FAM9B: variants seen among roughly 807,000 people sequenced by gnomAD.
The protein encoded by FAM9B is family with sequence similarity 9 member B.
FAM9B carries 18 observed loss-of-function variants against 16.6 expected under a neutral mutation model. That is an observed-to-expected ratio of 1.09 (90% CI 0.75 to 1.61). The LOEUF is 1.61. Ranked by LOEUF, FAM9B falls within the 40% of genes most tolerant of loss-of-function variation. The pLI is 0.00. For synonymous variants in FAM9B, 43 were observed against 42.6 expected (o/e 1.01, Z -0.03); for missense variants, 155 against 136.0 (o/e 1.14, Z -0.70).
intron 3 of FAM9B, 56 bp from the exon 4 acceptor site, chrX:9,032,217 T>G: frequency 8.4e-7 from 1 of 1,197,244 alleles, no homozygotes. Flanking sequence ...ATGCCATGTT[T>G]GTTGGGAAAA....
intron 7 of FAM9B, among the ~76,000 whole-genome samples, chrX:9,026,541 A>G (rs1197622743): frequency 9.0e-6 from 1 of 111,511 alleles, no homozygotes; most frequent in African/African-American, 3.3e-5. Context: ...TAATATTGCC[A>G]ATCAATGAAG....
chrX:9,029,473 T>C, intron 5 of FAM9B, 55 bp from the exon 6 acceptor site: 2 of 873,292 alleles, frequency 2.3e-6, no homozygotes, highest in South Asian at 4.9e-5. Flanking sequence ...GAAAAATTAA[T>C]CCTATTCAAA....
intron 7 of FAM9B, 98 bp from the exon 8 acceptor site, chrX:9,025,681 T>C: frequency 1.6e-6 from 1 of 607,619 alleles, no homozygotes; most frequent in Admixed American, 3.3e-5. Context: ...CTTTTAATAT[T>C]CAAAGGATGC....
At chrX:9,032,206 A>C (rs775654252) in intron 3 of FAM9B, 45 bp from the exon 4 acceptor site, 2 of 1,195,929 alleles carry the variant, frequency 1.7e-6, no homozygotes, top group African/African-American at 3.5e-5. Context: ...TACTACACAA[A>C]ATGCCATGTT....
Position 9,032,457 on chromosome X carries a change from C to T in FAM9B, c.33G>A (p.Lys11=). 8.3e-7 allele frequency: 1 copy of T among 1,207,212 alleles called. No individual in the cohort carries two copies. Among genetic ancestry groups the T allele is most frequent in the Non-Finnish European group, 1.1e-6 (1 of 894,237 alleles). ...CCTCACATTCATCACGGACTGGATC[C>T]TTTCCTGCATTAAAATGTAAAAGAC... MAAWGKKHAG[K]DPVRDECEER... The change falls in exon 3 of 9, where the codon AAG becomes AAA. Residue 11 remains lysine (K), a synonymous_variant. Transcript: ENST00000327220.
At chrX:9,025,953 A>G (rs1920963125) in intron 7 of FAM9B, among the ~76,000 whole-genome samples, 1 of 111,598 alleles carries the variant, frequency 9.0e-6, no homozygotes, top group Non-Finnish European at 1.9e-5. Context: ...AATAGCCTAC[A>G]TAACATGGTT....
rs780775539 is a variant in FAM9B at position 9,033,172 on chromosome X, C to A, written c.-89-97G>T. ...AGGTTCAAGAAGGGTGGGGCTGGCC[C>A]GCCCTGGGTCTCATGTGGGAGCAGG... is the stretch of plus-strand genomic sequence containing the variant. On this transcript the variant is annotated intron_variant, in intron 1 of 8. Coordinates refer to ENST00000327220, the MANE Select transcript of FAM9B (RefSeq NM_205849.3). 1.1e-5 allele frequency: 13 copies of A among 1,154,545 alleles called. No homozygotes were observed. The East Asian group carries it at 3.6e-4, about 32-fold the overall frequency.
rs769794559 is a variant in FAM9B at position 9,032,727 on chromosome X, G to A, written c.28+232C>T. 4.7e-5 allele frequency: 25 copies of A among 536,845 alleles called. No homozygotes were observed. In the East Asian group the frequency reaches 9.1e-4, roughly 20 times the overall value. 44.2% of individuals were successfully genotyped at this position (536,845 alleles called of 1,213,427 possible). ...GTCAGGACTGCACCCATGGAGAAGAGCTGCTCTGAGAGCATCTGTAACCCT... is the reference window on the plus strand; with the variant it reads ...GTCAGGACTGCACCCATGGAGAAGAACTGCTCTGAGAGCATCTGTAACCCT... On this transcript the variant is annotated intron_variant, in intron 2 of 8. Coordinates refer to ENST00000327220, the MANE Select transcript of FAM9B (RefSeq NM_205849.3).
At chrX:9,030,385 T>C (rs746358922) in intron 4 of FAM9B, 25 bp from the exon 5 acceptor site, 2 of 1,098,000 alleles carry the variant, frequency 1.8e-6, no homozygotes, top group South Asian at 2.1e-5. Context: ...AGATAGTAAA[T>C]GAAAATGGAT....
intron 1 of FAM9B, chrX:9,033,641 T>G: frequency 3.9e-6 from 2 of 509,950 alleles, no homozygotes; most frequent in Non-Finnish European, 4.6e-6. Context: ...TCCCGGGCCC[T>G]AGGGATCACC....
At chrX:9,026,037 A>G (rs1920963812) in intron 7 of FAM9B, among the ~76,000 whole-genome samples, 1 of 112,032 alleles carries the variant, frequency 8.9e-6, no homozygotes, top group South Asian at 3.7e-4. Flanking sequence ...TTTGAAATAT[A>G]TACTCTTTAC....
chrX:9,033,704 C>CCA, intron 1 of FAM9B, 148 bp downstream of exon 1: 3 of 647,631 alleles, frequency 4.6e-6, no homozygotes, highest in Non-Finnish European at 5.5e-6. Flanking sequence ...CACCCTAGCC[C>CCA]ACCCTCAGGG....
At chrX:9,026,706 G>C (rs989220056) in intron 7 of FAM9B, among the ~76,000 whole-genome samples, 1 of 110,701 alleles carries the variant, frequency 9.0e-6, no homozygotes, top group African/African-American at 3.3e-5. Context: ...TAACTACATG[G>C]GAAGGATAAT....
At chrX:9,029,972 T>C (rs1921020659) in intron 5 of FAM9B, 1 of 404,469 alleles carries the variant, frequency 2.5e-6, no homozygotes, top group South Asian at 5.8e-5. Context: ...TTATCTTATA[T>C]GCAGCTACCA....
At chrX:9,027,453 T>C (rs977950157) in intron 7 of FAM9B, among the ~76,000 whole-genome samples, 15 of 111,386 alleles carry the variant, frequency 1.3e-4, no homozygotes, top group Non-Finnish European at 2.4e-4. Context: ...TTAAAACCCA[T>C]TTATGCCTAG....
rs187832815 is a variant in FAM9B at position 9,025,067 on chromosome X, G to A, written c.*342C>T. 5.3e-5 allele frequency: 6 copies of A among 112,752 alleles called. No homozygotes were observed. The highest frequency in any genetic ancestry group is 1.9e-4 in the African/African-American group (6 of 30,947). 9.3% of individuals were successfully genotyped at this position (112,752 alleles called of 1,213,427 possible). A position where few individuals can be genotyped will look rare whatever the true frequency, so the allele number is the denominator to read the frequency against. ...TTGGAACTGATACAAATCCACAGAG[G>A]CCAAATCGAAATCTAAATTATCTTT... On this transcript the variant is annotated 3_prime_UTR_variant, in exon 9 of 9. Coordinates refer to ENST00000327220, the MANE Select transcript of FAM9B (RefSeq NM_205849.3).
At position 9,029,328 on chromosome X, in the gene FAM9B, CTCTTCT is replaced by C; in HGVS notation, c.366_371del (p.Glu123_Glu124del). 1 of 1,203,323 alleles carries C rather than the reference CTCTTCT, an allele frequency of 8.3e-7. No individual in the cohort carries two copies. The highest frequency in any genetic ancestry group is 1.1e-6 in the Non-Finnish European group (1 of 888,866). On this transcript the variant is annotated inframe_deletion, in exon 6 of 9. Coordinates refer to ENST00000327220, the MANE Select transcript of FAM9B (RefSeq NM_205849.3). ...CAACAATTAGTTCTTCCTCTTCTCC[CTCTTCT>C]TCTTCTTCCTCTTTCTGCTCGTCTG...
chrX:9,033,034 C>A lies in FAM9B; in HGVS notation c.-48G>T. 1 of 1,211,990 alleles carries A rather than the reference C, an allele frequency of 8.3e-7. No individual in the cohort carries two copies. The highest frequency in any genetic ancestry group is 1.1e-6 in the Non-Finnish European group (1 of 895,517). On this transcript the variant is annotated 5_prime_UTR_variant, in exon 2 of 9. Coordinates refer to ENST00000327220, the MANE Select transcript of FAM9B (RefSeq NM_205849.3). ...TTGGCAGCCCTCCTGCCCACAGGAT[C>A]CGTGGCTGGTTGTCCTGGGAAGCTA...
At chrX:9,028,924 C>G (rs1920995692) in intron 6 of FAM9B, among the ~76,000 whole-genome samples, 1 of 111,256 alleles carries the variant, frequency 9.0e-6, no homozygotes, top group African/African-American at 3.3e-5. Context: ...CCATTGCCCA[C>G]TCCCGTGTGC....
Sources: gnomAD v4.1 joint callset for allele counts (sites outside exome capture counted in the v4.1 genomes callset) on GRCh38, gnomAD v4.1.1 for gene constraint, MANE v1.5 for transcripts, NCBI Gene and HGNC (gene_info 2026-07-23, HGNC 2026-07-21) for gene names.